The following KIR3DL2 variants were observed in gnomAD, a reference collection of about 807,000 sequenced individuals.
KIR3DL2 encodes killer cell immunoglobulin like receptor, three Ig domains and long cytoplasmic tail 2.
KIR3DL2 carries 42 observed loss-of-function variants against 41.6 expected under a neutral mutation model. That is an observed-to-expected ratio of 1.01 (90% confidence interval 0.79 to 1.31). KIR3DL2 has a LOEUF of 1.31. KIR3DL2 is among the 50% of genes most tolerant of loss of function. The pLI is 0.00. For synonymous variants in KIR3DL2, 230 were observed against 221.3 expected, an observed-to-expected ratio of 1.04 and a Z score of -0.35; for missense variants, 728 against 576.8, an observed-to-expected ratio of 1.26 and a Z score of -2.68.
chr19:54,851,128 G>C, intron 1 of KIR3DL2, 92 bp from the exon 2 acceptor site: 2 of 1,504,224 alleles, frequency 1.3e-6, no homozygotes, highest in Non-Finnish European at 1.8e-6. Context: ...GCCCAGCAAG[G>C]GCCTGGCTGC....
chr19:54,850,474 C>T lies in KIR3DL2; in HGVS notation c.-2C>T. ...CGGCCTCCTGTCTGCACCGGCAGCA[C>T]CATGTCGCTCACGGTCGTCAGCATG... is the stretch of plus-strand genomic sequence containing the variant. On this transcript the variant is annotated 5_prime_UTR_variant, in exon 1 of 9. Coordinates refer to ENST00000326321, the MANE Select transcript of KIR3DL2 (RefSeq NM_006737.4). 7 of 1,608,862 alleles carry T rather than the reference C, an allele frequency of 4.4e-6. 1 individual carries two copies. Among genetic ancestry groups the T allele is most frequent in the Non-Finnish European group, 5.9e-6 (7 of 1,179,920 alleles).
intron 6 of KIR3DL2, among the ~76,000 whole-genome samples, chr19:54,863,036 T>C (rs1255609445): frequency 9.5e-6 from 1 of 105,804 alleles, no homozygotes; most frequent in Non-Finnish European, 1.8e-5. Flanking sequence ...CCCCAGAGTG[T>C]GATGTTCCCC....
At chr19:54,858,861 T>A (rs1250012073) in intron 5 of KIR3DL2, among the ~76,000 whole-genome samples, 1 of 152,036 alleles carries the variant, frequency 6.6e-6, no homozygotes, top group African/African-American at 2.4e-5. Context: ...GTAACATATT[T>A]CTAAGTCAGG....
Position 54,866,647 on chromosome 19 carries a change from C to T in KIR3DL2, c.1284C>T (p.Tyr428=), listed in dbSNP as rs1361725125. Residue 428 remains tyrosine, a synonymous_variant, in exon 9 of 9, where the codon TAC becomes TAT. Coordinates refer to ENST00000326321, the MANE Select transcript of KIR3DL2 (RefSeq NM_006737.4). ...PKTPLTDTSV[Y]TELPNAEPRS... ...CACCCCTAACAGATACCAGCGTGTA[C>T]ACGGAACTTCCAAATGCTGAGCCCA... 1 of 1,614,002 alleles carries T rather than the reference C, an allele frequency of 6.2e-7. No homozygotes were observed. Among genetic ancestry groups the T allele is most frequent in the South Asian group, 1.1e-5 (1 of 91,084 alleles).
At chr19:54,850,663 GA>G (rs2064118008) in intron 1 of KIR3DL2, among the ~76,000 whole-genome samples, 154 bp downstream of exon 1, 1 of 140,654 alleles carries the variant, frequency 7.1e-6, no homozygotes. Context: ...TATGGGCCTG[GA>G]GTGGAGATAT....
chr19:54,855,892 C>T lies in KIR3DL2; in HGVS notation c.929C>T (p.Pro310Leu). ...TGCGTGTGGTCAAACTCAAGTGACC[C>T]ACTGCTTGTTTCTGTCACAGGTGAG... ...LPCVWSNSSD[P>L]LLVSVTGNPS... The change falls in exon 5 of 9, where the codon CCA (proline) becomes CTA (leucine). Residue 310 changes from proline to leucine, a missense_variant. Coordinates refer to ENST00000326321, the MANE Select transcript of KIR3DL2 (RefSeq NM_006737.4). The T allele has an allele frequency of 6.2e-7, 1 of 1,613,592 alleles. No individual in the cohort carries two copies. Among genetic ancestry groups the T allele is most frequent in the Non-Finnish European group, 8.5e-7 (1 of 1,179,946 alleles).
At chr19:54,861,670 C>T (rs1569525607) in intron 6 of KIR3DL2, among the ~76,000 whole-genome samples, 2 of 151,258 alleles carry the variant, frequency 1.3e-5, no homozygotes, top group African/African-American at 4.9e-5. Context: ...ATAAAAAATA[C>T]ATAAATATAA....
At chr19:54,853,216 T>A (rs2064438437) in intron 3 of KIR3DL2, among the ~76,000 whole-genome samples, 1 of 151,342 alleles carries the variant, frequency 6.6e-6, no homozygotes, top group Admixed American at 6.6e-5. Flanking sequence ...TCCATCCACA[T>A]AGGAAGGGGT....
Position 54,866,358 on chromosome 19 carries a change from C to T in KIR3DL2, c.1106-12C>T, listed in dbSNP as rs61420363. 61,783 of 1,613,650 alleles carry T rather than the reference C, an allele frequency of 0.038. 1,638 individuals carry two copies. Among genetic ancestry groups the T allele is most frequent in the East Asian group, 0.11 (5,114 of 44,872 alleles). On this transcript the variant is annotated splice_polypyrimidine_tract_variant and intron_variant, in intron 7 of 8. Transcript: ENST00000326321. ...CCCTCCAAGCGGTTTTGATGACTTC[C>T]GTCTCCTACAGATGCTGCTGTAATG...
intron 5 of KIR3DL2, among the ~76,000 whole-genome samples, chr19:54,858,752 A>G (rs146887706): frequency 3.0e-3 from 411 of 137,286 alleles, no homozygotes; most frequent in Middle Eastern, 7.2e-3. Context: ...AAGCCATTGG[A>G]TGTAAATGCA....
chr19:54,854,703 G>C (rs1445528203), intron 4 of KIR3DL2, among the ~76,000 whole-genome samples: 4 of 151,666 alleles, frequency 2.6e-5, no homozygotes, highest in African/African-American at 4.9e-5. Flanking sequence ...TAAACACACA[G>C]AGAATGAGCC....
At chr19:54,858,538 G>A (rs2064957684) in intron 5 of KIR3DL2, among the ~76,000 whole-genome samples, 1 of 150,950 alleles carries the variant, frequency 6.6e-6, no homozygotes, top group Non-Finnish European at 1.5e-5. Context: ...AGACCAGGCT[G>A]GCCAACAGAG....
intron 6 of KIR3DL2, among the ~76,000 whole-genome samples, chr19:54,859,699 G>A (rs1374891058): frequency 3.0e-4 from 45 of 151,748 alleles, no homozygotes; most frequent in Admixed American, 2.5e-3. Flanking sequence ...CACAAGATTC[G>A]TGTGTGAAAA....
At position 54,853,923 on chromosome 19, in the gene KIR3DL2, G is replaced by A. The variant is rs201148505; in HGVS notation, c.532G>A (p.Ala178Thr). The change falls in exon 4 of 9, where the codon GCC (alanine) becomes ACC (threonine). Residue 178 changes from alanine (A) to threonine (T), a missense_variant. Ala to Thr is a moderately conservative substitution (Grantham distance 58, BLOSUM62 0). Transcript: ENST00000326321. ...ACAGATCCATGATGGGGTCTCCAAG[G>A]CCAACTTCTCCATCGGTCCCTTGAT... ...VGQIHDGVSK[A>T]NFSIGPLMPV... 249 of 1,613,348 alleles carry A rather than the reference G, an allele frequency of 1.5e-4. No homozygotes were observed. The East Asian group carries it at 3.8e-3, about 25-fold the overall frequency.
intron 5 of KIR3DL2, among the ~76,000 whole-genome samples, chr19:54,856,917 G>A (rs1278671233): frequency 6.6e-6 from 1 of 152,116 alleles, no homozygotes; most frequent in Non-Finnish European, 1.5e-5. Flanking sequence ...GTGTACTACA[G>A]TTCTCTATCC....
At chr19:54,863,815 A>G (rs928813948) in intron 6 of KIR3DL2, among the ~76,000 whole-genome samples, 1 of 151,432 alleles carries the variant, frequency 6.6e-6, no homozygotes, top group Non-Finnish European at 1.5e-5. Flanking sequence ...TTGTCTGTTC[A>G]CTCTGATGGT....
Position 54,852,071 on chromosome 19 carries a change from G to A in KIR3DL2, c.144G>A (p.Gln48=). The change falls in exon 3 of 9, where the codon CAG becomes CAA. Residue 48 remains glutamine, a synonymous_variant. Coordinates refer to ENST00000326321, the MANE Select transcript of KIR3DL2 (RefSeq NM_006737.4). ...CTCGAGGAGGACACGTGGCTCTTCA[G>A]TGTCACTATCGTCGTGGGTTTAACA... is the stretch of plus-strand genomic sequence containing the variant. ...VVPRGGHVAL[Q]CHYRRGFNNF... The A allele has an allele frequency of 6.2e-7, 1 of 1,612,628 alleles. No individual in the cohort carries two copies. The highest frequency in any genetic ancestry group is 2.2e-5 in the East Asian group (1 of 44,822).
chr19:54,856,363 T>C (rs1281452845), intron 5 of KIR3DL2, among the ~76,000 whole-genome samples: 1 of 151,856 alleles, frequency 6.6e-6, no homozygotes, highest in Non-Finnish European at 1.5e-5. Context: ...TTACCATTTT[T>C]AAAAGTAAAA....
intron 2 of KIR3DL2, 47 bp downstream of exon 2, chr19:54,851,302 G>A: frequency 6.3e-7 from 1 of 1,585,712 alleles, no homozygotes; most frequent in Non-Finnish European, 8.6e-7. Context: ...CACATAAGAG[G>A]ATTTTTCTGA....
Sources: allele counts gnomAD v4.1 joint callset (sites outside exome capture counted in the v4.1 genomes callset), GRCh38; gene constraint gnomAD v4.1.1; transcripts MANE v1.5; gene names NCBI Gene and HGNC (gene_info 2026-07-23, HGNC 2026-07-21).